The following SRCAP variants were observed in gnomAD, a reference collection of about 807,000 sequenced individuals.
SRCAP encodes the protein chromatin remodeling protein SRCAP.
A neutral mutation model predicts 263.1 loss-of-function variants in SRCAP; 46 were observed. The observed-to-expected ratio is 0.17, with a 90% confidence interval of 0.14 to 0.22. The LOEUF is 0.22. SRCAP is among the 10% of genes least tolerant of loss of function. SRCAP has a pLI of 1.00. For missense variants in SRCAP, 3,695 were observed against 4,181.9 expected (o/e 0.88, Z 3.21); for synonymous variants, 1,813 against 1,662.1 (o/e 1.09, Z -2.21).
chr16:30,723,030 A>T lies in SRCAP; in HGVS notation c.3960A>T (p.Gly1320=). Residue 1320 remains glycine (G), a synonymous_variant, in exon 24 of 34, where the codon GGA becomes GGT. Transcript: ENST00000262518. ...TAGTGAGACAAGCCCCTCGGGATGG[A>T]CTGACTCCTGTTCCTCCATTGGCCC... ...KIVVRQAPRD[G]LTPVPPLAPA... 1 of 1,613,890 alleles carries T rather than the reference A, an allele frequency of 6.2e-7. No homozygotes were observed. The highest frequency in any genetic ancestry group is 1.6e-4 in the Middle Eastern group (1 of 6,062).
At position 30,736,200 on chromosome 16, in the gene SRCAP, G is replaced by T; in HGVS notation, c.6730G>T (p.Ala2244Ser). 6.2e-7 allele frequency: 1 copy of T among 1,614,026 alleles called. No homozygotes were observed. The highest frequency in any genetic ancestry group is 8.5e-7 in the Non-Finnish European group (1 of 1,180,024). ...ASKQTHILEQ[A>S]LCRAEDEEDI... ...CTTTTTCTTTTATACACCCTGGTAG[G>T]CATTGTGTCGGGCAGAAGATGAAGA... The change falls in exon 32 of 34, where the codon GCA becomes TCA. Residue 2244 changes from alanine to serine, a missense_variant and splice_region_variant. Around this residue, in one of 12 missense-constraint regions of SRCAP, gnomAD observed 53 missense variants for 45.6 expected, o/e 1.16. Coordinates refer to ENST00000262518, the MANE Select transcript of SRCAP (RefSeq NM_006662.3).
Position 30,724,378 on chromosome 16 carries a change from A to T in SRCAP, c.4954A>T (p.Thr1652Ser). ...CTCAGCTTCACCGGTACCAGCTCCAACCCCTGTGTTGGCTCCATCATCAAC... is the reference window on the plus strand; with the variant it reads ...CTCAGCTTCACCGGTACCAGCTCCATCCCCTGTGTTGGCTCCATCATCAAC... ...LASASPVPAP[T>S]PVLAPSSTQT... The change falls in exon 25 of 34, where the codon ACC becomes TCC. Residue 1652 changes from threonine to serine, a missense_variant. Transcript: ENST00000262518. 6.2e-7 allele frequency: 1 copy of T among 1,613,608 alleles called. No homozygotes were observed. The highest frequency in any genetic ancestry group is 8.5e-7 in the Non-Finnish European group (1 of 1,179,910).
intron 5 of SRCAP, 89 bp downstream of exon 5, chr16:30,707,457 G>A: frequency 1.2e-6 from 2 of 1,602,020 alleles, no homozygotes; most frequent in Middle Eastern, 2.1e-4. Flanking sequence ...GAATGGTGTA[G>A]GCATTAAGAG....
At chr16:30,707,456 A>G in intron 5 of SRCAP, 88 bp downstream of exon 5, 1 of 1,600,690 alleles carries the variant, frequency 6.2e-7, no homozygotes, top group Middle Eastern at 2.1e-4. Flanking sequence ...AGAATGGTGT[A>G]GGCATTAAGA....
In SRCAP at chr16:30,720,788, T is replaced by C; in HGVS notation, c.3063T>C (p.Pro1021=). The change falls in exon 20 of 34, where the codon CCT becomes CCC. Residue 1021 remains proline (P), a synonymous_variant. Coordinates refer to ENST00000262518, the MANE Select transcript of SRCAP (RefSeq NM_006662.3). ...ACAACCCACGGGCGCCCCTGGGCCC[T>C]GTCCCAGTTCGACCTCCTCCAGGTC... The part of the protein sequence containing the change: ...VVNNPRAPLG[P]VPVRPPPGPE... 6.2e-7 allele frequency: 1 copy of C among 1,614,130 alleles called. No homozygotes were observed. Among genetic ancestry groups the C allele is most frequent in the Non-Finnish European group, 8.5e-7 (1 of 1,180,020 alleles).
In SRCAP at chr16:30,712,053, C is replaced by T. The variant is rs765177977; in HGVS notation, c.1711C>T (p.Pro571Ser). The change falls in exon 12 of 34, where the codon CCT (proline) becomes TCT (serine). Residue 571 changes from proline (P) to serine (S), a missense_variant. Transcript: ENST00000262518. Reference protein sequence around the residue: ...QSEADAGSGPPTPGPTTLGPK... With the variant: ...QSEADAGSGPSTPGPTTLGPK... ...TGAGGCAGATGCAGGCAGTGGGCCT[C>T]CTACTCCAGGGCCCACTACTCTAGG... The T allele has an allele frequency of 2.5e-6, 4 of 1,613,900 alleles. No homozygotes were observed. Among genetic ancestry groups the T allele is most frequent in the African/African-American group, 1.3e-5 (1 of 74,840 alleles).
chr16:30,715,969 G>C, intron 16 of SRCAP, 97 bp from the exon 17 acceptor site: 4 of 1,499,232 alleles, frequency 2.7e-6, no homozygotes, highest in Non-Finnish European at 3.6e-6. Context: ...GTCTGATATG[G>C]TGTGCCGTAT....
In SRCAP at chr16:30,721,228, G is replaced by C. The variant is rs370202769; in HGVS notation, c.3293G>C (p.Arg1098Pro). ...SPLGVLSGTS[R>P]PPTPTLSLKP... ...CTGGGGGTCCTGAGTGGGACCTCAC[G>C]GCCTCCCACGCCAACCTTGTCCCTA... The change falls in exon 21 of 34, where the codon CGG becomes CCG. Residue 1098 changes from arginine (R) to proline (P), a missense_variant. Coordinates refer to ENST00000262518, the MANE Select transcript of SRCAP (RefSeq NM_006662.3). The C allele has an allele frequency of 2.0e-5, 33 of 1,613,536 alleles. 1 individual carries two copies. Among genetic ancestry groups the C allele is most frequent in the Admixed American group, 5.0e-5 (3 of 60,000 alleles).
chr16:30,728,881 A>AT (rs1472019182), intron 25 of SRCAP, 85 bp from the exon 26 acceptor site: 2 of 1,463,308 alleles, frequency 1.4e-6, no homozygotes, highest in East Asian at 4.6e-5. Context: ...GTTTCTATAT[A>AT]TTTATTTCCA....
chr16:30,713,127 C>G, intron 14 of SRCAP, 81 bp from the exon 15 acceptor site: 1 of 1,440,512 alleles, frequency 6.9e-7, no homozygotes, highest in East Asian at 2.3e-5. Context: ...GATTACTGTC[C>G]TTTGAGGAGT....
In SRCAP at chr16:30,724,237, C is replaced by T. The variant is rs1485869366; in HGVS notation, c.4813C>T (p.Pro1605Ser). 3.1e-6 allele frequency: 5 copies of T among 1,614,156 alleles called. No homozygotes were observed. The highest frequency in any genetic ancestry group is 1.1e-5 in the South Asian group (1 of 91,076). ...TAILAPSPAP[P>S]LAPLPVLAPS... ...AATTCTGGCTCCTTCTCCAGCTCCT[C>T]CTCTGGCTCCTCTTCCGGTCCTGGC... The change falls in exon 25 of 34, where the codon CCT becomes TCT. Residue 1605 changes from proline to serine, a missense_variant. Physicochemically the swap from Pro to Ser is moderately conservative, Grantham distance 74. Transcript: ENST00000262518.
Position 30,713,509 on chromosome 16 carries a change from C to T in SRCAP, c.2301-10C>T. 1 of 1,613,898 alleles carries T rather than the reference C, an allele frequency of 6.2e-7. No homozygotes were observed. The highest frequency in any genetic ancestry group is 8.5e-7 in the Non-Finnish European group (1 of 1,179,882). Reference sequence around the variant, plus strand: ...CCATACTCTCTCTGATTCTCTCTGTCTCTTTGCAGCCAGAGACGCCTGCTC... The same window carrying T: ...CCATACTCTCTCTGATTCTCTCTGTTTCTTTGCAGCCAGAGACGCCTGCTC... On this transcript the variant is annotated splice_polypyrimidine_tract_variant and intron_variant, in intron 15 of 33. Transcript: ENST00000262518.
At position 30,728,985 on chromosome 16, in the gene SRCAP, G is replaced by T; in HGVS notation, c.5678G>T (p.Arg1893Leu). 1 of 1,613,188 alleles carries T rather than the reference G, an allele frequency of 6.2e-7. No individual in the cohort carries two copies. The highest frequency in any genetic ancestry group is 8.5e-7 in the Non-Finnish European group (1 of 1,179,248). The change falls in exon 26 of 34, where the codon CGG (arginine) becomes CTG (leucine). Residue 1893 changes from arginine (R) to leucine (L), a missense_variant. Transcript: ENST00000262518. Reference protein sequence around the residue: ...PFYLDSLEEKRKRQRSERLER... With the variant: ...PFYLDSLEEKLKRQRSERLER... The stretch of plus-strand genomic sequence containing the variant: ...CCCCAGGACTCCCTGGAGGAAAAGC[G>T]GAAGCGGCAGCGGTCTGAACGCCTG...
Position 30,721,485 on chromosome 16 carries a change from C to T in SRCAP, c.3541+9C>T. 1 of 1,606,424 alleles carries T rather than the reference C, an allele frequency of 6.2e-7. No individual in the cohort carries two copies. Among genetic ancestry groups the T allele is most frequent in the Non-Finnish European group, 8.5e-7 (1 of 1,179,322 alleles). ...GCAGGCTCGCCTGCCCTGTAAGTTC[C>T]CAGGGCTCTGTGGTGAGGGACTTGA... is the stretch of plus-strand genomic sequence containing the variant. On this transcript the variant is annotated intron_variant, in intron 21 of 33. Transcript: ENST00000262518.
chr16:30,725,194 TTATG>T (rs2053052427), intron 25 of SRCAP, 112 bp downstream of exon 25: 6 of 1,486,382 alleles, frequency 4.0e-6, no homozygotes, highest in South Asian at 2.8e-5. Context: ...AAGCTTAATG[TTATG>T]GACCAAGTAC....
Position 30,711,554 on chromosome 16 carries a change from T to G in SRCAP, c.1319-17T>G. The G allele has an allele frequency of 6.4e-7, 1 of 1,568,138 alleles. No homozygotes were observed. The highest frequency in any genetic ancestry group is 8.6e-7 in the Non-Finnish European group (1 of 1,160,518). ...CCTCCCCTCAGAGCAACCAAAAGCT[T>G]TTTGTTTCTCTTCCAGGTGAGCTTT... On this transcript the variant is annotated splice_polypyrimidine_tract_variant and intron_variant, in intron 10 of 33. Transcript: ENST00000262518.
At chr16:30,721,618 G>A (rs2053012717) in intron 21 of SRCAP, 142 bp downstream of exon 21, 1 of 1,186,450 alleles carries the variant, frequency 8.4e-7, no homozygotes, top group African/African-American at 1.5e-5. Flanking sequence ...AAGGTGGGAG[G>A]TTTGCTTCAG....
chr16:30,737,469 C>T lies in SRCAP; in HGVS notation c.7429C>T (p.Leu2477Phe). 2 of 1,591,182 alleles carry T rather than the reference C, an allele frequency of 1.3e-6. No individual in the cohort carries two copies. The highest frequency in any genetic ancestry group is 1.7e-6 in the Non-Finnish European group (2 of 1,163,770). The change falls in exon 34 of 34, where the codon CTC becomes TTC. Residue 2477 changes from leucine (L) to phenylalanine (F), a missense_variant. Coordinates refer to ENST00000262518, the MANE Select transcript of SRCAP (RefSeq NM_006662.3). ...TTCAGCCCCAAATCCAATAACCATT[C>T]TCCCTGTCCATATCTTGCCTTCTCC... ...PISAPNPITI[L>F]PVHILPSPPP...
rs1223584929 is a variant in SRCAP at position 30,724,366 on chromosome 16, G to C, written c.4942G>C (p.Val1648Leu). ...PGTSLASASP[V>L]PAPTPVLAPS... Reference sequence around the variant, plus strand: ...AACCTCTTTAGCCTCAGCTTCACCGGTACCAGCTCCAACCCCTGTGTTGGC... The same window carrying C: ...AACCTCTTTAGCCTCAGCTTCACCGCTACCAGCTCCAACCCCTGTGTTGGC... The change falls in exon 25 of 34, where the codon GTA becomes CTA. Residue 1648 changes from valine (V) to leucine (L), a missense_variant. This residue lies in a region of SRCAP where 1,347 missense variants were observed against 1,304.4 expected (regional missense o/e 1.03). Coordinates refer to ENST00000262518, the MANE Select transcript of SRCAP (RefSeq NM_006662.3). The C allele has an allele frequency of 6.2e-7, 1 of 1,614,088 alleles. No individual in the cohort carries two copies. The highest frequency in any genetic ancestry group is 1.7e-5 in the Admixed American group (1 of 60,010).
Sources: gnomAD v4.1 joint callset for allele counts on GRCh38, gnomAD v4.1.1 for gene constraint, gnomAD v4.1.1 regional missense constraint, MANE v1.5 for transcripts, NCBI Gene and HGNC (gene_info 2026-07-23, HGNC 2026-07-21) for gene names.